Variants in AKNAD1 observed in about 807,000 individuals in gnomAD.
AKNAD1 encodes the protein protein AKNAD1.
A neutral mutation model predicts 90.8 loss-of-function variants in AKNAD1; 67 were observed. The ratio of observed to expected loss-of-function variants is 0.74; its 90% CI spans 0.61 to 0.90. AKNAD1 has a LOEUF of 0.90. AKNAD1 is among the 40% of genes least tolerant of loss of function. The pLI is 0.00. For synonymous variants in AKNAD1, 327 were observed against 341.4 expected, an observed-to-expected ratio of 0.96 and a Z score of 0.46; for missense variants, 957 against 975.4, an observed-to-expected ratio of 0.98 and a Z score of 0.25.
At chr1:108,830,484 C>A in intron 10 of AKNAD1, 75 bp downstream of exon 10, 1 of 1,423,472 alleles carries the variant, frequency 7.0e-7, no homozygotes, top group East Asian at 2.3e-5. Flanking sequence ...TTAGTTGCCG[C>A]CCACTCTCAC....
At chr1:108,828,735 T>C (rs1196323107) in intron 10 of AKNAD1, among the ~76,000 whole-genome samples, 1 of 151,858 alleles carries the variant, frequency 6.6e-6, no homozygotes, top group Admixed American at 6.6e-5. Flanking sequence ...CCTCATTTTC[T>C]GTCTCCACCC....
intron 7 of AKNAD1, chr1:108,837,337 A>C (rs1195154785): frequency 2.0e-6 from 1 of 499,444 alleles, no homozygotes; most frequent in African/African-American, 1.9e-5. Context: ...TACATCCTAA[A>C]CTATAAAGAT....
intron 1 of AKNAD1, among the ~76,000 whole-genome samples, chr1:108,856,001 A>G (rs1363489175): frequency 1.3e-5 from 2 of 150,912 alleles, no homozygotes; most frequent in Non-Finnish European, 2.9e-5. Context: ...ACAGGCGCAC[A>G]CCACCACACC....
At chr1:108,817,262 G>T in intron 14 of AKNAD1, 85 bp from the exon 15 acceptor site, 1 of 1,547,360 alleles carries the variant, frequency 6.5e-7, no homozygotes, top group Non-Finnish European at 8.8e-7. Context: ...GGTAGGTAAT[G>T]GCTCTGTGTG....
chr1:108,841,547 C>T (rs141032082), intron 6 of AKNAD1, among the ~76,000 whole-genome samples: 125 of 152,262 alleles, frequency 8.2e-4, no homozygotes, highest in African/African-American at 2.8e-3. Flanking sequence ...AATATTTTTG[C>T]ACATTACCTT....
At position 108,852,259 on chromosome 1, in the gene AKNAD1, T is replaced by A. The variant is rs1664890202; in HGVS notation, c.406A>T (p.Ile136Phe). Residue 136 changes from isoleucine to phenylalanine, a missense_variant, in exon 2 of 16, where the codon ATC becomes TTC. Transcript: ENST00000370001. ...TCTTCAAAACTGTCGGCATTTGAGA[T>A]CTCTGGGAGGGTTTCACAATCAATG... is the stretch of plus-strand genomic sequence containing the variant. ...QGIDCETLPE[I>F]SNADSFEEEA... The A allele has an allele frequency of 6.2e-7, 1 of 1,613,964 alleles. No individual in the cohort carries two copies. The highest frequency in any genetic ancestry group is 8.5e-7 in the Non-Finnish European group (1 of 1,179,974).
At chr1:108,825,503 CT>C (rs1663967752) in intron 11 of AKNAD1, among the ~76,000 whole-genome samples, 1 of 151,614 alleles carries the variant, frequency 6.6e-6, no homozygotes, top group Non-Finnish European at 1.5e-5. Context: ...TTCCAGAACC[CT>C]TTTACACTCT....
At position 108,849,564 on chromosome 1, in the gene AKNAD1, C is replaced by G; in HGVS notation, c.1006G>C (p.Val336Leu). The G allele has an allele frequency of 6.3e-7, 1 of 1,596,474 alleles. No homozygotes were observed. Among genetic ancestry groups the G allele is most frequent in the South Asian group, 1.1e-5 (1 of 90,750 alleles). Residue 336 changes from valine to leucine, a missense_variant, in exon 3 of 16, where the codon GTA (valine) becomes CTA (leucine). Coordinates refer to ENST00000370001, the MANE Select transcript of AKNAD1 (RefSeq NM_152763.5). ...GTGAGAAGTTCTTGGTGGATATGTA[C>G]TATGGGCTCCATCTGCACAATTAAA... Reference protein sequence around the residue: ...PSQQIQMEPIVHIHQELLTGI... With the variant: ...PSQQIQMEPILHIHQELLTGI...
chr1:108,834,866 TG>T, intron 8 of AKNAD1, 62 bp downstream of exon 8: 1 of 1,494,186 alleles, frequency 6.7e-7, no homozygotes. Flanking sequence ...TCCTGGAGGC[TG>T]CATGAGGAAG....
At chr1:108,818,832 G>A (rs1369178328) in intron 14 of AKNAD1, among the ~76,000 whole-genome samples, 4 of 151,968 alleles carry the variant, frequency 2.6e-5, no homozygotes, top group Admixed American at 6.6e-5. Context: ...GCATGGTGGC[G>A]GGTGCCTATA....
rs1557837188 is a variant in AKNAD1, at chr1:108,848,751, C to A, written c.1245+1G>T. 3.1e-6 allele frequency: 5 copies of A among 1,604,712 alleles called. No individual in the cohort carries two copies. The highest frequency in any genetic ancestry group is 4.2e-6 in the Non-Finnish European group (5 of 1,177,730). On this transcript the variant is annotated splice_donor_variant, in intron 5 of 15. Transcript: ENST00000370001. LOFTEE classifies it high-confidence loss of function. ...TTTAAAAACGGGATAAAATTCATTA[C>A]CAGCTTCTTGTCTTGCAAATGGTAA...
In AKNAD1 at chr1:108,826,739, TTTC is replaced by T. The variant is rs779654429; in HGVS notation, c.1936+463_1936+465del. Among the ~76,000 whole-genome samples, 32 of 106,490 alleles carry T rather than the reference TTTC, an allele frequency of 3.0e-4. 2 individuals carry two copies. Among genetic ancestry groups the T allele is most frequent in the African/African-American group, 4.5e-4 (13 of 28,762 alleles). 69.9% of individuals were successfully genotyped at this position (106,490 alleles called of 152,430 possible). On this transcript the variant is annotated intron_variant, in intron 11 of 15. Coordinates refer to ENST00000370001, the MANE Select transcript of AKNAD1 (RefSeq NM_152763.5). ...GATTCTTTTTTTCTTTTCTTTTCTT[TTTC>T]TTTTTTTTTTTTTTTGAAACAGGGT...
At chr1:108,837,310 GA>G (rs1210457176) in intron 7 of AKNAD1, 1 of 413,398 alleles carries the variant, frequency 2.4e-6, no homozygotes, top group African/African-American at 2.0e-5. Context: ...TGGTTTAATG[GA>G]TTTAAACAGC....
chr1:108,848,580 G>C (rs1334613838), intron 5 of AKNAD1, among the ~76,000 whole-genome samples, 172 bp downstream of exon 5: 1 of 152,156 alleles, frequency 6.6e-6, no homozygotes, highest in Non-Finnish European at 1.5e-5. Flanking sequence ...TAAATAGATA[G>C]AGAAACAGAA....
At chr1:108,831,768 A>G (rs1664206115) in intron 9 of AKNAD1, among the ~76,000 whole-genome samples, 1 of 151,560 alleles carries the variant, frequency 6.6e-6, no homozygotes, top group Non-Finnish European at 1.5e-5. Flanking sequence ...CTGGGATTAC[A>G]GGTGCCCACC....
rs1570810852 is a variant in AKNAD1, at chr1:108,835,186, T to A, written c.1537-130A>T. The stretch of plus-strand genomic sequence containing the variant: ...CCTGCCTGGCGTCCCCCCACCCCTG[T>A]CTCCCCCAGCTCTTTACCTAGCTGT... On this transcript the variant is annotated intron_variant, in intron 7 of 15. Transcript: ENST00000370001. The A allele has an allele frequency of 4.0e-6, 4 of 1,003,346 alleles. No homozygotes were observed. In the South Asian group the frequency reaches 7.7e-5, roughly 19 times the overall value. The allele number at this position is 1,003,346 out of a possible 1,614,324, so 62.2% of individuals were successfully genotyped here.
At position 108,843,172 on chromosome 1, in the gene AKNAD1, C is replaced by T. The variant is rs1570819390; in HGVS notation, c.1341G>A (p.Lys447=). Residue 447 remains lysine, a synonymous_variant, in exon 6 of 16, where the codon AAG becomes AAA. Coordinates refer to ENST00000370001, the MANE Select transcript of AKNAD1 (RefSeq NM_152763.5). ...KHLTLQQQVH[K]HESTIVGDFD... ...AGTCACCAACGATTGTTGATTCGTGCTTGTGGACTTGCTGCTGCAAAGTCA... is the reference window on the plus strand; with the variant it reads ...AGTCACCAACGATTGTTGATTCGTGTTTGTGGACTTGCTGCTGCAAAGTCA... 6.2e-7 allele frequency: 1 copy of T among 1,614,172 alleles called. No individual in the cohort carries two copies. The highest frequency in any genetic ancestry group is 8.5e-7 in the Non-Finnish European group (1 of 1,180,020).
chr1:108,816,911 C>T lies in AKNAD1; in HGVS notation c.2379+137G>A, dbSNP rs529639772. ...GAGGCTGTGTGTCTTTAGCTTAGTT[C>T]TGAGCACAAAATTGTCTTTAGCAGA... On this transcript the variant is annotated intron_variant, in intron 15 of 15. Coordinates refer to ENST00000370001, the MANE Select transcript of AKNAD1 (RefSeq NM_152763.5). The T allele has an allele frequency of 5.8e-6, 6 of 1,029,854 alleles. No individual in the cohort carries two copies. The South Asian group carries it at 6.5e-5, about 11-fold the overall frequency. The allele number at this position is 1,029,854 out of a possible 1,614,324, so 63.8% of individuals were successfully genotyped here.
Position 108,815,928 on chromosome 1 carries a change from T to C in AKNAD1, c.*243A>G, listed in dbSNP as rs1413884673. The C allele has an allele frequency of 2.3e-5, 6 of 261,052 alleles. No individual in the cohort carries two copies. The highest frequency in any genetic ancestry group is 2.2e-4 in the Admixed American group (4 of 18,584). The allele number at this position is 261,052 out of a possible 1,614,324, so 16.2% of individuals were successfully genotyped here. On this transcript the variant is annotated 3_prime_UTR_variant, in exon 16 of 16. Transcript: ENST00000370001. ...TTGTTTTGATTTCTTTTATTATGAGTTAAGAAGAACATAGATTTATTTTAA... is the reference window on the plus strand; with the variant it reads ...TTGTTTTGATTTCTTTTATTATGAGCTAAGAAGAACATAGATTTATTTTAA...
Sources: gnomAD v4.1 joint callset for allele counts (sites outside exome capture counted in the v4.1 genomes callset) on GRCh38, gnomAD v4.1.1 for gene constraint, MANE v1.5 for transcripts, NCBI Gene and HGNC (gene_info 2026-07-23, HGNC 2026-07-21) for gene names.